Variants in CCDC102B observed in about 807,000 individuals in gnomAD.
The protein encoded by CCDC102B is coiled-coil domain containing 102B.
Under a neutral mutation model 57.4 loss-of-function variants are expected in CCDC102B, and 75 were observed. The observed-to-expected ratio is 1.31, with a 90% CI of 1.08 to 1.58. The LOEUF is 1.58. Ranked by LOEUF, CCDC102B falls within the 40% of genes most tolerant of loss-of-function variation. The probability of loss-of-function intolerance (pLI) is 0.00; values close to 1 mark genes in which losing one functional copy is unlikely to be tolerated. For synonymous variants in CCDC102B, 206 were observed against 201.9 expected, an observed-to-expected ratio of 1.02 and a Z score of -0.17; for missense variants, 636 against 582.6, an observed-to-expected ratio of 1.09 and a Z score of -0.94.
intron 1 of CCDC102B, among the ~76,000 whole-genome samples, chr18:68,815,142 G>C (rs558245150): frequency 6.6e-6 from 1 of 152,200 alleles, no homozygotes; most frequent in South Asian, 2.1e-4. Context: ...GAGGTTTTAA[G>C]TCATTAAAAG....
At chr18:68,997,616 T>C (rs575643190) in intron 6 of CCDC102B, among the ~76,000 whole-genome samples, 2 of 152,232 alleles carry the variant, frequency 1.3e-5, no homozygotes, top group South Asian at 4.1e-4. Flanking sequence ...CTCATTACAA[T>C]TTTTTTCAGA....
chr18:68,839,004 C>T (rs1273061400), intron 3 of CCDC102B, 78 bp downstream of exon 3: 2 of 1,132,784 alleles, frequency 1.8e-6, no homozygotes, highest in Non-Finnish European at 2.6e-6. Context: ...ATAGATTGGT[C>T]ATTTGATAAT....
chr18:68,822,381 G>A (rs1380781203), intron 1 of CCDC102B, among the ~76,000 whole-genome samples: 2 of 145,222 alleles, frequency 1.4e-5, no homozygotes, highest in African/African-American at 2.6e-5. Context: ...GCAACATAGC[G>A]AGACTCCATT....
At chr18:68,973,910 G>T (rs533268907) in intron 6 of CCDC102B, among the ~76,000 whole-genome samples, 1 of 151,960 alleles carries the variant, frequency 6.6e-6, no homozygotes, top group Admixed American at 6.6e-5. Context: ...TCACTGTTCT[G>T]CAAAATCCAC....
At chr18:68,889,035 T>TG (rs1054404183) in intron 5 of CCDC102B, among the ~76,000 whole-genome samples, 32 of 151,618 alleles carry the variant, frequency 2.1e-4, no homozygotes, top group Admixed American at 1.1e-3. Context: ...TCTTTGTTTT[T>TG]TTTTTCTTTG....
Position 68,802,852 on chromosome 18 carries a change from C to T in CCDC102B, c.-16+4671C>T, listed in dbSNP as rs374847287. Among the ~76,000 whole-genome samples the T allele has an allele frequency of 3.3e-5, 5 of 152,276 alleles. No homozygotes were observed. The East Asian group carries it at 9.6e-4, about 29-fold the overall frequency. On this transcript the variant is annotated intron_variant, in intron 1 of 7. Transcript: ENST00000360242. ...CCCATCTGCTGATTCTTTTGAAACC[C>T]CTTGGTCCTCTTATCTCTGAAAGGG...
intron 2 of CCDC102B, among the ~76,000 whole-genome samples, chr18:68,760,139 T>C (rs1484444851): frequency 6.6e-6 from 1 of 152,136 alleles, no homozygotes; most frequent in African/African-American, 2.4e-5. Flanking sequence ...TCAATTTGCT[T>C]CTTCTCATAG....
chr18:68,836,628 AAT>A lies in CCDC102B; in HGVS notation c.-15-119_-15-118del, dbSNP rs1233958271. The stretch of plus-strand genomic sequence containing the variant: ...GGTGACAGAGCAAGACTCTGTCAAA[AAT>A]AAAAAAAAAGCATTGTTTTCATCAA... On this transcript the variant is annotated intron_variant, in intron 1 of 7. Coordinates refer to ENST00000360242, the MANE Select transcript of CCDC102B (RefSeq NM_024781.3). 4.1e-3 allele frequency: 2,484 copies of A among 609,294 alleles called. 2 individuals are homozygous for A. Among genetic ancestry groups the A allele is most frequent in the East Asian group, 0.01 (253 of 25,224 alleles). 37.7% of individuals were successfully genotyped at this position (609,294 alleles called of 1,614,324 possible). A position where few individuals can be genotyped will look rare whatever the true frequency, so the allele number is the denominator to read the frequency against.
intron 2 of CCDC102B, among the ~76,000 whole-genome samples, chr18:68,790,472 A>C (rs1188863166): frequency 1.3e-5 from 2 of 151,892 alleles, no homozygotes; most frequent in Non-Finnish European, 2.9e-5. Context: ...CTGTGCTAGC[A>C]ATCAGCGAGA....
At chr18:68,919,795 A>G (rs1188103657) in intron 6 of CCDC102B, among the ~76,000 whole-genome samples, 3 of 150,230 alleles carry the variant, frequency 2.0e-5, no homozygotes, top group Non-Finnish European at 4.5e-5. Flanking sequence ...GTAGATCTCT[A>G]TTCTAAGGGA....
In CCDC102B at chr18:68,821,397, T is replaced by G. The variant is rs535077458; in HGVS notation, c.-15-15352T>G. Among the ~76,000 whole-genome samples, 1,147 of 151,148 alleles carry G rather than the reference T, an allele frequency of 7.6e-3. 10 individuals are homozygous for G. The highest frequency in any genetic ancestry group is 9.0e-3 in the Non-Finnish European group (609 of 67,728). On this transcript the variant is annotated intron_variant, in intron 1 of 7. Coordinates refer to ENST00000360242, the MANE Select transcript of CCDC102B (RefSeq NM_024781.3). Reference sequence around the variant, plus strand: ...AATTAATTTTATAAATATAATATCTTTATTAATATTTTAAAATAACTTGTT... The same window carrying G: ...AATTAATTTTATAAATATAATATCTGTATTAATATTTTAAAATAACTTGTT...
At chr18:68,897,555 C>A in intron 6 of CCDC102B, 127 bp downstream of exon 6, 1 of 1,558,248 alleles carries the variant, frequency 6.4e-7, no homozygotes, top group Non-Finnish European at 8.7e-7. Flanking sequence ...ATACCTGATA[C>A]TCCTTGCTCT....
At chr18:68,808,691 G>A (rs1021284899) in intron 1 of CCDC102B, among the ~76,000 whole-genome samples, 6 of 151,976 alleles carry the variant, frequency 3.9e-5, no homozygotes, top group Non-Finnish European at 7.4e-5. Context: ...TATTAGCCAG[G>A]ATGGTCTCGA....
intron 6 of CCDC102B, among the ~76,000 whole-genome samples, chr18:68,970,650 A>G (rs1162095182): frequency 6.6e-6 from 1 of 151,786 alleles, no homozygotes; most frequent in Non-Finnish European, 1.5e-5. Context: ...GGATAACTTT[A>G]TATTTGTTTC....
chr18:68,910,009 G>A (rs1409794835), intron 6 of CCDC102B, among the ~76,000 whole-genome samples: 1 of 152,212 alleles, frequency 6.6e-6, no homozygotes, highest in East Asian at 1.9e-4. Context: ...AAGAGATAGA[G>A]AATTAGACTG....
At chr18:68,999,522 C>T (rs2051143259) in intron 6 of CCDC102B, among the ~76,000 whole-genome samples, 1 of 151,974 alleles carries the variant, frequency 6.6e-6, no homozygotes, top group South Asian at 2.1e-4. Context: ...TTGAGAATCC[C>T]TTTAACCTGG....
intron 6 of CCDC102B, among the ~76,000 whole-genome samples, chr18:68,950,261 T>C (rs9949988): frequency 0.29 from 43,915 of 151,964 alleles, 7,358 homozygotes; most frequent in African/African-American, 0.44. Flanking sequence ...AGATGTGAAT[T>C]GGCTGAAACA....
At chr18:68,840,684 A>G (rs776286489) in intron 3 of CCDC102B, among the ~76,000 whole-genome samples, 4 of 152,140 alleles carry the variant, frequency 2.6e-5, no homozygotes, top group Non-Finnish European at 5.9e-5. Flanking sequence ...CTTTTTGGTA[A>G]TTATAGACTT....
At chr18:69,022,563 A>G (rs1446775804) in intron 7 of CCDC102B, among the ~76,000 whole-genome samples, 7 of 151,906 alleles carry the variant, frequency 4.6e-5, no homozygotes, top group Non-Finnish European at 1.0e-4. Flanking sequence ...CCTCCTTTGT[A>G]GTGCTCTTGG....
Sources: allele counts gnomAD v4.1 joint callset (sites outside exome capture counted in the v4.1 genomes callset), GRCh38; gene constraint gnomAD v4.1.1; transcripts MANE v1.5; gene names NCBI Gene and HGNC (gene_info 2026-07-23, HGNC 2026-07-21).